Variants in CHN2 observed in about 807,000 individuals in gnomAD.
The protein encoded by CHN2 is beta-chimaerin.
A neutral mutation model predicts 56.3 loss-of-function variants in CHN2; 35 were observed. That is an observed-to-expected ratio of 0.62 (90% CI 0.47 to 0.82). CHN2 has a LOEUF of 0.82. Among genes scored for constraint, CHN2 ranks in the 40% least tolerant of loss-of-function variants. The pLI is 0.00. For missense variants in CHN2, 491 were observed against 580.5 expected (o/e 0.85, Z 1.58); for synonymous variants, 210 against 212.8 (o/e 0.99, Z 0.12).
rs910620388 is a variant in CHN2 at position 29,165,261 on chromosome 7, C to T, written c.274+18301C>T. Among the ~76,000 whole-genome samples the T allele has an allele frequency of 1.1e-4, 17 of 152,184 alleles. No homozygotes were observed. In the Middle Eastern group the frequency reaches 0.01, roughly 92 times the overall value. On this transcript the variant is annotated intron_variant, in intron 2 of 6. Transcript: ENST00000439384. Reference sequence around the variant, plus strand: ...ATAAAGGTCTTGCATAAGTTTTCTTCAAACCAATACTTAAGTTCATATTTT... The same window carrying T: ...ATAAAGGTCTTGCATAAGTTTTCTTTAAACCAATACTTAAGTTCATATTTT...
chr7:29,155,501 A>G (rs1794236461), intron 2 of CHN2, among the ~76,000 whole-genome samples: 1 of 152,240 alleles, frequency 6.6e-6, no homozygotes, highest in Admixed American at 6.5e-5. Context: ...ATGTAACAGA[A>G]GAATAGAGAT....
At chr7:29,411,243 C>CCAAGACT (rs1417667420) in intron 6 of CHN2, among the ~76,000 whole-genome samples, 6 of 152,164 alleles carry the variant, frequency 3.9e-5, no homozygotes, top group Non-Finnish European at 5.9e-5. Context: ...AGAGGAAATA[C>CCAAGACT]CAAGACTCAA....
intron 1 of CHN2, among the ~76,000 whole-genome samples, chr7:29,274,829 TG>T (rs1173451449): frequency 5.9e-5 from 9 of 152,232 alleles, no homozygotes; most frequent in African/African-American, 9.6e-5. Flanking sequence ...ATCAGTGCTC[TG>T]ATCTTTCCAG....
At chr7:29,393,015 G>A (rs960830959) in intron 3 of CHN2, among the ~76,000 whole-genome samples, 7 of 152,306 alleles carry the variant, frequency 4.6e-5, no homozygotes, top group African/African-American at 1.7e-4. Flanking sequence ...AAGCTCTTAT[G>A]AAAGCAGATG....
intron 2 of CHN2, among the ~76,000 whole-genome samples, chr7:29,171,490 G>A (rs1226919676): frequency 6.6e-6 from 1 of 152,168 alleles, no homozygotes; most frequent in Admixed American, 6.5e-5. Context: ...AGACGGAGAG[G>A]ATTCTACCCA....
intron 1 of CHN2, among the ~76,000 whole-genome samples, chr7:29,352,339 G>A (rs767859930): frequency 5.6e-5 from 8 of 142,756 alleles, no homozygotes; most frequent in Non-Finnish European, 1.2e-4. Context: ...TTGCATTTGT[G>A]TGCAGTCTGT....
At chr7:29,477,051 C>CT (rs1385110585) in intron 6 of CHN2, among the ~76,000 whole-genome samples, 4 of 152,118 alleles carry the variant, frequency 2.6e-5, no homozygotes, top group Non-Finnish European at 4.4e-5. Context: ...AGGAGCTGTC[C>CT]TTGAGGAGCT....
chr7:29,314,440 G>T (rs1180124346), intron 1 of CHN2, among the ~76,000 whole-genome samples: 6 of 152,198 alleles, frequency 3.9e-5, no homozygotes, highest in Admixed American at 6.5e-5. Context: ...GCAGGATGAG[G>T]AGAGTTCTAA....
At chr7:29,264,394 AAGAG>A (rs965223018) in intron 1 of CHN2, among the ~76,000 whole-genome samples, 30 of 152,360 alleles carry the variant, frequency 2.0e-4, no homozygotes, top group African/African-American at 7.0e-4. Context: ...GGGGAAAAGA[AAGAG>A]AGATCAGATT....
In CHN2 at chr7:29,512,643, C is replaced by G. The variant is rs1466045526; in HGVS notation, c.1315C>G (p.Pro439Ala). The part of the protein sequence containing the change: ...IVFGPTLMRP[P>A]EDSTLTTLHD... Reference sequence around the variant, plus strand: ...GTTTGGGCCCACTCTGATGAGGCCCCCTGAGGACAGCACCCTGACCACCCT... The same window carrying G: ...GTTTGGGCCCACTCTGATGAGGCCCGCTGAGGACAGCACCCTGACCACCCT... Residue 439 changes from proline to alanine, a missense_variant, in exon 13 of 13, where the codon CCT (proline) becomes GCT (alanine). By Grantham distance (27) the Pro-to-Ala change is conservative. Transcript: ENST00000222792. 3.7e-6 allele frequency: 6 copies of G among 1,613,954 alleles called. No individual in the cohort carries two copies. The highest frequency in any genetic ancestry group is 5.1e-6 in the Non-Finnish European group (6 of 1,180,006).
intron 1 of CHN2, among the ~76,000 whole-genome samples, chr7:29,213,660 A>G (rs150912621): frequency 6.9e-4 from 105 of 152,312 alleles, no homozygotes; most frequent in African/African-American, 2.5e-3. Context: ...AAGCTGTAAT[A>G]TACTTCATTG....
chr7:29,352,365 G>A (rs1200925269), intron 1 of CHN2, among the ~76,000 whole-genome samples: 1 of 134,094 alleles, frequency 7.5e-6, no homozygotes, highest in Non-Finnish European at 1.6e-5. Flanking sequence ...GTGTGTGTGT[G>A]TGTATGTGTG....
At chr7:29,303,020 G>T (rs541567569) in intron 1 of CHN2, among the ~76,000 whole-genome samples, 1 of 152,030 alleles carries the variant, frequency 6.6e-6, no homozygotes, top group African/African-American at 2.4e-5. Flanking sequence ...TCCCGGTCCC[G>T]CCCATCTTCC....
At chr7:29,496,516 TAA>T (rs886069600) in intron 8 of CHN2, among the ~76,000 whole-genome samples, 34 of 142,032 alleles carry the variant, frequency 2.4e-4, no homozygotes, top group Admixed American at 4.2e-4. Flanking sequence ...TATCCTCCAT[TAA>T]AAAAAAAAAA....
At chr7:29,356,115 A>G (rs561764985) in intron 2 of CHN2, among the ~76,000 whole-genome samples, 48 of 152,156 alleles carry the variant, frequency 3.2e-4, no homozygotes, top group African/African-American at 1.1e-3. Context: ...TTTCACATGT[A>G]AGGAAACCAC....
At chr7:29,265,924 T>C (rs1424995505) in intron 1 of CHN2, among the ~76,000 whole-genome samples, 24 of 152,188 alleles carry the variant, frequency 1.6e-4, no homozygotes, top group Admixed American at 1.6e-3. Context: ...TACAGTAAGC[T>C]GAGCACTGTG....
At position 29,195,094 on chromosome 7, in the gene CHN2, G is replaced by A. The variant is rs10252034; in HGVS notation, c.49+104G>A. Reference sequence around the variant, plus strand: ...GAGCCTACCTGTGGCCATCCCGCCCGCTCTCTCGGAATGGGGGCAGGCGTC... The same window carrying A: ...GAGCCTACCTGTGGCCATCCCGCCCACTCTCTCGGAATGGGGGCAGGCGTC... On this transcript the variant is annotated intron_variant, in intron 1 of 12. Coordinates refer to ENST00000222792, the MANE Select transcript of CHN2 (RefSeq NM_004067.4). 6.7e-4 allele frequency: 862 copies of A among 1,287,466 alleles called. 6 individuals carry two copies. In the African/African-American group the frequency reaches 0.011, roughly 16 times the overall value. The allele number at this position is 1,287,466 out of a possible 1,614,324, so 79.8% of individuals were successfully genotyped here. A position where few individuals can be genotyped will look rare whatever the true frequency, so the allele number is the denominator to read the frequency against.
chr7:29,178,065 A>G (rs563181085), intron 2 of CHN2, among the ~76,000 whole-genome samples: 1 of 152,238 alleles, frequency 6.6e-6, no homozygotes, highest in East Asian at 1.9e-4. Context: ...ACATTCCATC[A>G]TCAGCAAGTG....
At chr7:29,460,536 C>A (rs17158019) in intron 6 of CHN2, among the ~76,000 whole-genome samples, 1 of 152,160 alleles carries the variant, frequency 6.6e-6, no homozygotes, top group Non-Finnish European at 1.5e-5. Flanking sequence ...AGATGTTCCT[C>A]GGACAAAGGA....
Sources: allele counts gnomAD v4.1 joint callset (sites outside exome capture counted in the v4.1 genomes callset), GRCh38; gene constraint gnomAD v4.1.1; transcripts MANE v1.5; gene names NCBI Gene and HGNC (gene_info 2026-07-23, HGNC 2026-07-21).